C10orf67: variants seen among roughly 807,000 people sequenced by gnomAD.
The protein encoded by C10orf67 is chromosome 10 open reading frame 67.
A neutral mutation model predicts 35.6 loss-of-function variants in C10orf67; 60 were observed. That is an observed-to-expected ratio of 1.68 (90% CI 1.37 to 2.09). The LOEUF is 2.09. C10orf67 is among the 30% of genes most tolerant of loss of function. The probability of loss-of-function intolerance (pLI) is 0.00; values close to 1 mark genes in which losing one functional copy is unlikely to be tolerated. For missense variants in C10orf67, 474 were observed against 330.2 expected, an observed-to-expected ratio of 1.44 and a Z score of -3.38; for synonymous variants, 167 against 115.8, an observed-to-expected ratio of 1.44 and a Z score of -2.84.
chr10:23,309,547 T>G (rs1275502518), intron 4 of C10orf67, among the ~76,000 whole-genome samples: 3 of 152,056 alleles, frequency 2.0e-5, no homozygotes, highest in African/African-American at 7.2e-5. Flanking sequence ...AAAACAGAAG[T>G]TTTTAAGCCA....
chr10:23,225,719 C>T (rs1311894617), intron 13 of C10orf67, among the ~76,000 whole-genome samples: 1 of 152,090 alleles, frequency 6.6e-6, no homozygotes, highest in Non-Finnish European at 1.5e-5. Flanking sequence ...GGGTTGCAAT[C>T]CTAGTCTCTG....
At chr10:23,343,775 A>T (rs1483246678) in intron 1 of C10orf67, 7 of 324,600 alleles carry the variant, frequency 2.2e-5, no homozygotes, top group Non-Finnish European at 3.8e-5. Context: ...TCGGACAGTG[A>T]TCCCCTCGAA....
At chr10:23,336,728 G>A (rs554866672) in intron 1 of C10orf67, among the ~76,000 whole-genome samples, 20 of 152,074 alleles carry the variant, frequency 1.3e-4, no homozygotes, top group Middle Eastern at 3.4e-3. Context: ...TGGCCAGGCC[G>A]GTCTCAAACT....
At chr10:23,230,304 T>A (rs939402633) in intron 13 of C10orf67, among the ~76,000 whole-genome samples, 5 of 152,084 alleles carry the variant, frequency 3.3e-5, no homozygotes, top group African/African-American at 1.2e-4. Context: ...TACACTAATA[T>A]CAATTCTAAA....
intron 3 of C10orf67, 32 bp from the exon 4 acceptor site, chr10:23,320,847 T>A: frequency 1.4e-6 from 2 of 1,460,982 alleles, no homozygotes; most frequent in Non-Finnish European, 1.9e-6. Flanking sequence ...ATAAGCACCA[T>A]AATGTATTTC....
At chr10:23,309,508 A>G (rs1367153083) in intron 4 of C10orf67, among the ~76,000 whole-genome samples, 1 of 152,230 alleles carries the variant, frequency 6.6e-6, no homozygotes, top group African/African-American at 2.4e-5. Flanking sequence ...TACCCATGTA[A>G]CAAGCATGCA....
At chr10:23,215,092 C>T (rs559145728) in intron 15 of C10orf67, among the ~76,000 whole-genome samples, 17 of 152,032 alleles carry the variant, frequency 1.1e-4, no homozygotes, top group African/African-American at 3.9e-4. Context: ...TAGGAGAATA[C>T]AATGAACAAG....
intron 4 of C10orf67, chr10:23,316,858 G>A (rs1253203524): frequency 6.6e-6 from 1 of 152,266 alleles, no homozygotes; most frequent in Non-Finnish European, 1.5e-5. Context: ...GTTTTTATGG[G>A]CTTCAGAGGG....
rs186295767 is a variant in C10orf67 at position 23,213,987 on chromosome 10, T to C, written c.1570+9611A>G. On this transcript the variant is annotated intron_variant, in intron 15 of 15. Transcript: ENST00000636213. ...TGCAATATAAAAGATCATAAAAATA[T>C]TGAAAAAAATGAAAAAGATACAATG... Among the ~76,000 whole-genome samples the C allele has an allele frequency of 2.5e-4, 38 of 151,686 alleles. No homozygotes were observed. In the East Asian group the frequency reaches 7.1e-3, roughly 29 times the overall value.
At chr10:23,225,497 A>G (rs1841710140) in intron 13 of C10orf67, among the ~76,000 whole-genome samples, 3 of 152,224 alleles carry the variant, frequency 2.0e-5, no homozygotes, top group Admixed American at 2.0e-4. Context: ...TCATAATGAC[A>G]GGATCAAATT....
At chr10:23,226,391 C>T (rs536756193) in intron 13 of C10orf67, among the ~76,000 whole-genome samples, 17 of 152,094 alleles carry the variant, frequency 1.1e-4, no homozygotes, top group South Asian at 8.3e-4. Flanking sequence ...TTGAAACCAA[C>T]GAGAACAAGG....
At chr10:23,306,246 C>T (rs1171989908) in intron 4 of C10orf67, among the ~76,000 whole-genome samples, 1 of 152,034 alleles carries the variant, frequency 6.6e-6, no homozygotes, top group African/African-American at 2.4e-5. Context: ...GGTTGACAGG[C>T]TGGGCGCGGT....
chr10:23,263,112 T>C (rs1428812901), intron 10 of C10orf67, among the ~76,000 whole-genome samples: 2 of 152,172 alleles, frequency 1.3e-5, no homozygotes, highest in Non-Finnish European at 2.9e-5. Context: ...CGCTGCCGGA[T>C]AAACAACAGG....
In C10orf67 at chr10:23,326,050, T is replaced by G. The variant is rs151042859; in HGVS notation, c.328-3513A>C. ...AAAATGGACAGAGTTTAGGGACTTG[T>G]GAGTTAATAATGAGAAGTCTAACAT... On this transcript the variant is annotated intron_variant, in intron 2 of 15. Transcript: ENST00000636213. Among the ~76,000 whole-genome samples, 6 of 152,144 alleles carry G rather than the reference T, an allele frequency of 3.9e-5. No individual in the cohort carries two copies. In the East Asian group the frequency reaches 1.2e-3, roughly 29 times the overall value.
chr10:23,299,165 A>T (rs920611410), intron 5 of C10orf67, among the ~76,000 whole-genome samples: 1 of 152,098 alleles, frequency 6.6e-6, no homozygotes, highest in East Asian at 1.9e-4. Flanking sequence ...ACTCATTGAT[A>T]ATCCTGAGAT....
At chr10:23,219,492 CAAGT>C (rs1384488185) in intron 15 of C10orf67, among the ~76,000 whole-genome samples, 2 of 152,208 alleles carry the variant, frequency 1.3e-5, no homozygotes, top group Non-Finnish European at 2.9e-5. Context: ...AATTTTATCA[CAAGT>C]AAGTAGCAAA....
intron 5 of C10orf67, among the ~76,000 whole-genome samples, chr10:23,291,946 A>G (rs751273612): frequency 2.0e-5 from 3 of 152,150 alleles, no homozygotes; most frequent in Non-Finnish European, 4.4e-5. Flanking sequence ...GTTTAATGCT[A>G]TTGAAGACTT....
rs907694777 is a variant in C10orf67, at chr10:23,209,145, C to T, written c.1571-4890G>A. Among the ~76,000 whole-genome samples, 17 of 152,150 alleles carry T rather than the reference C, an allele frequency of 1.1e-4. No homozygotes were observed. The South Asian group carries it at 2.9e-3, about 26-fold the overall frequency. ...TCACATATGGGAGAGGGAGGGGTTA[C>T]GAATGGTCTTGTAGGCTAAACTGAA... On this transcript the variant is annotated intron_variant, in intron 15 of 15. Transcript: ENST00000636213.
chr10:23,222,725 G>A (rs1204203334), intron 15 of C10orf67, among the ~76,000 whole-genome samples: 2 of 152,132 alleles, frequency 1.3e-5, no homozygotes, highest in Non-Finnish European at 2.9e-5. Context: ...ACATTAAGAT[G>A]CTTTAGAAAT....
Sources: gnomAD v4.1 joint callset for allele counts (sites outside exome capture counted in the v4.1 genomes callset) on GRCh38, gnomAD v4.1.1 for gene constraint, MANE v1.5 for transcripts, NCBI Gene and HGNC (gene_info 2026-07-23, HGNC 2026-07-21) for gene names.